The following CYP39A1 variants were observed in gnomAD, a reference collection of about 807,000 sequenced individuals.
CYP39A1 encodes cytochrome P450 family 39 subfamily A member 1, also known as 24-hydroxycholesterol 7-alpha-hydroxylase.
In CYP39A1, 49 loss-of-function variants were observed where a neutral mutation model predicts 58.1. The ratio of observed to expected loss-of-function variants is 0.84; its 90% confidence interval spans 0.67 to 1.07. CYP39A1 has a LOEUF of 1.07. CYP39A1 is among the 50% of genes least tolerant of loss of function. The pLI is 0.00. For synonymous variants in CYP39A1, 209 were observed against 187.6 expected, an observed-to-expected ratio of 1.11 and a Z score of -0.93; for missense variants, 531 against 539.4, an observed-to-expected ratio of 0.98 and a Z score of 0.16.
intron 7 of CYP39A1, among the ~76,000 whole-genome samples, chr6:46,606,826 A>C (rs1490506959): frequency 6.6e-6 from 1 of 152,242 alleles, no homozygotes; most frequent in African/African-American, 2.4e-5. Context: ...AATTATAACA[A>C]ATTGAAATTC....
intron 7 of CYP39A1, among the ~76,000 whole-genome samples, chr6:46,605,640 AAC>A (rs1391563069): frequency 1.3e-5 from 2 of 152,072 alleles, no homozygotes; most frequent in South Asian, 2.1e-4. Flanking sequence ...GGCTAGAAAA[AAC>A]ACAAGCCTCT....
chr6:46,596,229 G>T, intron 7 of CYP39A1, 109 bp from the exon 8 acceptor site: 1 of 735,382 alleles, frequency 1.4e-6, no homozygotes, highest in Non-Finnish European at 2.1e-6. Context: ...CAAGTAAAGT[G>T]TTCCTATTAC....
At position 46,604,791 on chromosome 6, in the gene CYP39A1, A is replaced by T. The variant is rs114755785; in HGVS notation, c.932-8671T>A. 4.1e-3 allele frequency among the ~76,000 whole-genome samples: 625 copies of T among 152,304 alleles called. 5 individuals carry two copies. The highest frequency in any genetic ancestry group is 0.014 in the African/African-American group (595 of 41,566). ...GATATGTATTTTAAATAGACTAAGA[A>T]CATGTAGAAAATATACCAGGAATGA... On this transcript the variant is annotated intron_variant, in intron 7 of 11. Transcript: ENST00000275016.
At chr6:46,636,550 A>G in intron 4 of CYP39A1, 68 bp from the exon 5 acceptor site, 2 of 934,194 alleles carry the variant, frequency 2.1e-6, no homozygotes, top group Non-Finnish European at 3.3e-6. Context: ...TCACAGCATA[A>G]AAAAGGGATG....
chr6:46,580,708 CA>C (rs35389368), intron 10 of CYP39A1, among the ~76,000 whole-genome samples: 34 of 151,806 alleles, frequency 2.2e-4, no homozygotes, highest in Non-Finnish European at 3.8e-4. Flanking sequence ...AGACATTTCT[CA>C]AAAAAAGAAA....
chr6:46,567,783 T>C (rs1006339253), intron 10 of CYP39A1, among the ~76,000 whole-genome samples: 2 of 152,152 alleles, frequency 1.3e-5, no homozygotes, highest in Non-Finnish European at 2.9e-5. Context: ...GCCTCTGTTA[T>C]GCTCACAGAA....
chr6:46,652,493 C>G lies in CYP39A1; in HGVS notation c.90G>C (p.Pro30=). Residue 30 remains proline, a synonymous_variant, in exon 1 of 12, where the codon CCG becomes CCC. Transcript: ENST00000275016. ...TCCAAGGAATCCAGCCCTTGATGCA[C>G]GGGGGTCTACGCAAATTCTTCCGCT... is the stretch of plus-strand genomic sequence containing the variant. ...LLQRKNLRRP[P]CIKGWIPWIG... is the part of the protein sequence containing the mutation. 5.6e-6 allele frequency: 9 copies of G among 1,613,922 alleles called. No homozygotes were observed. Among genetic ancestry groups the G allele is most frequent in the Non-Finnish European group, 7.6e-6 (9 of 1,179,950 alleles).
intron 7 of CYP39A1, among the ~76,000 whole-genome samples, chr6:46,609,769 C>T (rs920128178): frequency 6.6e-6 from 1 of 152,160 alleles, no homozygotes; most frequent in African/African-American, 2.4e-5. Context: ...ATATAAAAAT[C>T]AATACTCTAT....
chr6:46,621,567 T>G (rs890969223), intron 7 of CYP39A1, among the ~76,000 whole-genome samples: 1 of 152,020 alleles, frequency 6.6e-6, no homozygotes, highest in Non-Finnish European at 1.5e-5. Context: ...ATAATCTAGA[T>G]GAAATGGACA....
intron 1 of CYP39A1, among the ~76,000 whole-genome samples, chr6:46,649,025 T>A (rs1166909731): frequency 6.6e-6 from 1 of 152,212 alleles, no homozygotes; most frequent in Non-Finnish European, 1.5e-5. Context: ...CTGTCTCAAT[T>A]ATAAAGTACA....
intron 3 of CYP39A1, among the ~76,000 whole-genome samples, 162 bp downstream of exon 3, chr6:46,639,332 T>C (rs1325481879): frequency 1.0e-5 from 1 of 95,700 alleles, no homozygotes; most frequent in Non-Finnish European, 2.5e-5. Context: ...CGAGACTCTA[T>C]CTCAAAAAAA....
At position 46,550,018 on chromosome 6, in the gene CYP39A1, T is replaced by C; in HGVS notation, c.*348A>G. On this transcript the variant is annotated 3_prime_UTR_variant, in exon 12 of 12. Transcript: ENST00000275016. ...TTAAGTATGCTGCCTTCACAGTGAATTTAATGTGATAAGATTTTCATTCAA... is the reference window on the plus strand; with the variant it reads ...TTAAGTATGCTGCCTTCACAGTGAACTTAATGTGATAAGATTTTCATTCAA... 1 of 175,242 alleles carries C rather than the reference T, an allele frequency of 5.7e-6. No homozygotes were observed. Among genetic ancestry groups the C allele is most frequent in the Non-Finnish European group, 1.2e-5 (1 of 83,526 alleles). The allele number at this position is 175,242 out of a possible 1,614,324, so 10.9% of individuals were successfully genotyped here.
At chr6:46,613,596 AAAAAT>A (rs1346903759) in intron 7 of CYP39A1, among the ~76,000 whole-genome samples, 17 of 152,206 alleles carry the variant, frequency 1.1e-4, no homozygotes, top group African/African-American at 3.1e-4. Flanking sequence ...TGATCAGCAA[AAAAAT>A]AAAATAAAAT....
At chr6:46,603,630 C>T (rs775340510) in intron 7 of CYP39A1, among the ~76,000 whole-genome samples, 1 of 152,184 alleles carries the variant, frequency 6.6e-6, no homozygotes, top group Non-Finnish European at 1.5e-5. Context: ...TTTTCCCGGG[C>T]ACATCCTTAA....
intron 1 of CYP39A1, among the ~76,000 whole-genome samples, chr6:46,649,160 G>T (rs1382138328): frequency 1.3e-5 from 2 of 152,238 alleles, no homozygotes; most frequent in African/African-American, 4.8e-5. Context: ...CACGGTTGGT[G>T]GCAGAATTTA....
intron 10 of CYP39A1, among the ~76,000 whole-genome samples, chr6:46,566,969 C>T (rs1365260386): frequency 6.6e-6 from 1 of 151,880 alleles, no homozygotes; most frequent in African/African-American, 2.4e-5. Context: ...ATGTGGTTAC[C>T]CTTTTGTGTG....
intron 7 of CYP39A1, among the ~76,000 whole-genome samples, chr6:46,621,794 AC>A (rs1282939618): frequency 1.3e-5 from 2 of 152,138 alleles, no homozygotes; most frequent in Non-Finnish European, 2.9e-5. Context: ...AGGAAGAAAT[AC>A]ACTCTCTAAA....
intron 4 of CYP39A1, 98 bp from the exon 5 acceptor site, chr6:46,636,580 T>A: frequency 1.4e-6 from 1 of 726,468 alleles, no homozygotes; most frequent in Non-Finnish European, 2.3e-6. Flanking sequence ...TTAAAATTAG[T>A]TCTCCAAATT....
chr6:46,608,533 T>G (rs1773985199), intron 7 of CYP39A1, among the ~76,000 whole-genome samples: 1 of 152,150 alleles, frequency 6.6e-6, no homozygotes, highest in African/African-American at 2.4e-5. Flanking sequence ...ATATCTATTT[T>G]TTAATAAAAT....
Sources: allele counts gnomAD v4.1 joint callset (sites outside exome capture counted in the v4.1 genomes callset), GRCh38; gene constraint gnomAD v4.1.1; transcripts MANE v1.5; gene names NCBI Gene and HGNC (gene_info 2026-07-23, HGNC 2026-07-21).